SLC16A7: variants seen among roughly 807,000 people sequenced by gnomAD.
SLC16A7 encodes solute carrier family 16 member 7.
SLC16A7 carries 33 observed loss-of-function variants against 34.9 expected under a neutral mutation model. The observed-to-expected ratio is 0.94, with a 90% CI of 0.72 to 1.26. The LOEUF is 1.26. Among genes scored for constraint, SLC16A7 ranks in the 50% most tolerant of loss-of-function variants. The probability of loss-of-function intolerance (pLI) is 0.00; values close to 1 mark genes in which losing one functional copy is unlikely to be tolerated. For synonymous variants in SLC16A7, 201 were observed against 206.6 expected (o/e 0.97, Z 0.23); for missense variants, 573 against 578.1 (o/e 0.99, Z 0.09).
At chr12:59,687,897 T>TG (rs1291178570) in intron 2 of SLC16A7, among the ~76,000 whole-genome samples, 6 of 152,088 alleles carry the variant, frequency 3.9e-5, no homozygotes, top group Admixed American at 3.9e-4. Flanking sequence ...CTAAAGTCAA[T>TG]GGATGGGGGC....
At chr12:59,643,881 C>T (rs1040922934) in intron 1 of SLC16A7, among the ~76,000 whole-genome samples, 1 of 152,104 alleles carries the variant, frequency 6.6e-6, no homozygotes, top group African/African-American at 2.4e-5. Context: ...ATCGGTATTT[C>T]AGTTTTGGAG....
At chr12:59,710,766 CA>C (rs1369799535) in intron 3 of SLC16A7, among the ~76,000 whole-genome samples, 1 of 152,062 alleles carries the variant, frequency 6.6e-6, no homozygotes, top group African/African-American at 2.4e-5. Context: ...TCACTTTATG[CA>C]GATGTGTTTT....
intron 3 of SLC16A7, among the ~76,000 whole-genome samples, chr12:59,728,590 T>TCAC (rs911186858): frequency 1.3e-5 from 2 of 152,166 alleles, no homozygotes; most frequent in African/African-American, 4.8e-5. Flanking sequence ...CTGAGCGTGG[T>TCAC]GGAGCATGGC....
intron 3 of SLC16A7, among the ~76,000 whole-genome samples, chr12:59,759,084 T>C (rs575271198): frequency 6.6e-6 from 1 of 152,138 alleles, no homozygotes; most frequent in African/African-American, 2.4e-5. Flanking sequence ...CTACTACATA[T>C]ACTAATCTAA....
At chr12:59,601,097 A>G (rs1878661520) in intron 1 of SLC16A7, among the ~76,000 whole-genome samples, 2 of 152,242 alleles carry the variant, frequency 1.3e-5, no homozygotes, top group Non-Finnish European at 2.9e-5. Flanking sequence ...GGTGAACACA[A>G]ATGAAATATT....
intron 3 of SLC16A7, among the ~76,000 whole-genome samples, chr12:59,741,394 G>T (rs1878321910): frequency 6.6e-6 from 1 of 152,120 alleles, no homozygotes; most frequent in Non-Finnish European, 1.5e-5. Flanking sequence ...CAGCTGTCCT[G>T]GACAGATGCC....
chr12:59,664,662 T>G (rs1869048318), intron 2 of SLC16A7: 1 of 152,198 alleles, frequency 6.6e-6, no homozygotes, highest in Admixed American at 6.6e-5. Flanking sequence ...GCAGTTCAAA[T>G]TGCCAGACTT....
rs1275860409 is a variant in SLC16A7, at chr12:59,783,820, T to A, written c.*4141T>A. 1.3e-5 allele frequency: 2 copies of A among 152,214 alleles called. No homozygotes were observed. The highest frequency in any genetic ancestry group is 4.8e-5 in the African/African-American group (2 of 41,364). The allele number at this position is 152,214 out of a possible 1,614,324, so 9.4% of individuals were successfully genotyped here. ...GCATGTGCCACCATGCCCGGCTAAT[T>A]TTGTGGCTTTTTTTGTTTTGTTTTG... On this transcript the variant is annotated 3_prime_UTR_variant, in exon 6 of 6. Transcript: ENST00000547379.
chr12:59,779,785 C>G lies in SLC16A7; in HGVS notation c.*106C>G. 2.3e-6 allele frequency: 2 copies of G among 871,126 alleles called. No individual in the cohort carries two copies. Among genetic ancestry groups the G allele is most frequent in the East Asian group, 2.7e-5 (1 of 37,044 alleles). 54.0% of individuals were successfully genotyped at this position (871,126 alleles called of 1,614,324 possible). On this transcript the variant is annotated 3_prime_UTR_variant, in exon 6 of 6. Coordinates refer to ENST00000547379, the MANE Select transcript of SLC16A7 (RefSeq NM_001270623.2). Reference sequence around the variant, plus strand: ...AAAGGTTTTAGCTGAAATGAGGAGTCACAATTAAGGATGGAGGTGATATTT... The same window carrying G: ...AAAGGTTTTAGCTGAAATGAGGAGTGACAATTAAGGATGGAGGTGATATTT...
chr12:59,606,980 A>T (rs961845052), intron 1 of SLC16A7, among the ~76,000 whole-genome samples: 1 of 152,196 alleles, frequency 6.6e-6, no homozygotes, highest in African/African-American at 2.4e-5. Context: ...TTGACAAAGT[A>T]TAGCCCCTTG....
chr12:59,729,520 C>G (rs891370641), intron 3 of SLC16A7, among the ~76,000 whole-genome samples: 2 of 152,094 alleles, frequency 1.3e-5, no homozygotes, highest in African/African-American at 4.8e-5. Context: ...AATTTTATAG[C>G]TTTTAATCCT....
chr12:59,749,871 G>GT (rs1879313882), intron 3 of SLC16A7, among the ~76,000 whole-genome samples: 1 of 152,162 alleles, frequency 6.6e-6, no homozygotes, highest in African/African-American at 2.4e-5. Context: ...TCACACCAGA[G>GT]TAATTAGTAG....
chr12:59,785,593 A>G lies in SLC16A7; in HGVS notation c.*5914A>G, dbSNP rs1197894770. ...TTTAGCATTTTTTATTTAATTATGG[A>G]CATATTTAGTATGGACTTTTGTTTC... On this transcript the variant is annotated 3_prime_UTR_variant, in exon 6 of 6. Transcript: ENST00000547379. 5 of 152,044 alleles carry G rather than the reference A, an allele frequency of 3.3e-5. No homozygotes were observed. The highest frequency in any genetic ancestry group is 1.2e-4 in the African/African-American group (5 of 41,388). 9.4% of individuals were successfully genotyped at this position (152,044 alleles called of 1,614,324 possible).
Position 59,779,614 on chromosome 12 carries a change from G to A in SLC16A7, c.1372G>A (p.Glu458Lys). Residue 458 changes from glutamate (E) to lysine (K), a missense_variant, in exon 6 of 6, where the codon GAA becomes AAA. Transcript: ENST00000547379. Reference sequence around the variant, plus strand: ...ACCCTTGAGCAAATCTAAACATTCGGAAGATGTTAACGTCAAAGTTTCAAA... The same window carrying A: ...ACCCTTGAGCAAATCTAAACATTCGAAAGATGTTAACGTCAAAGTTTCAAA... ...SEPLSKSKHSEDVNVKVSNAQ... is the reference protein window; with the variant it reads ...SEPLSKSKHSKDVNVKVSNAQ... The A allele has an allele frequency of 6.2e-7, 1 of 1,611,390 alleles. No individual in the cohort carries two copies. The highest frequency in any genetic ancestry group is 8.5e-7 in the Non-Finnish European group (1 of 1,177,872).
chr12:59,713,274 C>T (rs556984344), intron 3 of SLC16A7, among the ~76,000 whole-genome samples: 43 of 152,246 alleles, frequency 2.8e-4, no homozygotes, highest in African/African-American at 9.6e-4. Context: ...CCCATCTAGG[C>T]CTCCCAAAGT....
chr12:59,624,914 C>T (rs1343399391), intron 1 of SLC16A7, among the ~76,000 whole-genome samples: 1 of 151,630 alleles, frequency 6.6e-6, no homozygotes, highest in Non-Finnish European at 1.5e-5. Flanking sequence ...TTACATGTAC[C>T]CTTTTGGGTT....
chr12:59,778,330 C>G (rs1250566320), intron 5 of SLC16A7, among the ~76,000 whole-genome samples: 1 of 151,972 alleles, frequency 6.6e-6, no homozygotes, highest in Non-Finnish European at 1.5e-5. Context: ...TACCATCTAC[C>G]TGATTAAAAC....
At chr12:59,666,987 A>G (rs1264311818) in intron 2 of SLC16A7, among the ~76,000 whole-genome samples, 2 of 152,206 alleles carry the variant, frequency 1.3e-5, no homozygotes, top group East Asian at 1.9e-4. Context: ...TTGGACTTAT[A>G]GTTCCACGTG....
At chr12:59,691,869 T>G (rs565735815) in intron 2 of SLC16A7, among the ~76,000 whole-genome samples, 124 of 152,134 alleles carry the variant, frequency 8.2e-4, no homozygotes, top group African/African-American at 3.0e-3. Flanking sequence ...TTTGCATACC[T>G]GTGCAATTGT....
Sources: gnomAD v4.1 joint callset for allele counts (sites outside exome capture counted in the v4.1 genomes callset) on GRCh38, gnomAD v4.1.1 for gene constraint, MANE v1.5 for transcripts, NCBI Gene and HGNC (gene_info 2026-07-23, HGNC 2026-07-21) for gene names.